The following FAM149A variants were observed in gnomAD, a reference collection of about 807,000 sequenced individuals.
FAM149A encodes protein FAM149A.
In FAM149A, 71 loss-of-function variants were observed where a neutral mutation model predicts 78.2. The observed-to-expected ratio is 0.91, with a 90% CI of 0.75 to 1.11. FAM149A has a LOEUF of 1.11. Among genes scored for constraint, FAM149A ranks in the 50% least tolerant of loss-of-function variants. FAM149A has a pLI of 0.00. For missense variants in FAM149A, 1,036 were observed against 971.0 expected, an observed-to-expected ratio of 1.07 and a Z score of -0.89; for synonymous variants, 446 against 410.5, an observed-to-expected ratio of 1.09 and a Z score of -1.04.
chr4:186,171,800 A>G, intron 13 of FAM149A, 114 bp from the exon 14 acceptor site: 1 of 716,166 alleles, frequency 1.4e-6, no homozygotes, highest in Admixed American at 4.1e-5. Context: ...ACAAAAGTGT[A>G]TTAAAATAAA....
chr4:186,107,188 C>CT (rs1380100040), intron 1 of FAM149A, among the ~76,000 whole-genome samples: 1 of 152,166 alleles, frequency 6.6e-6, no homozygotes, highest in African/African-American at 2.4e-5. Context: ...ACACACTGAC[C>CT]TTAAACTCTA....
intron 1 of FAM149A, among the ~76,000 whole-genome samples, chr4:186,134,673 C>A (rs764381323): frequency 3.3e-5 from 5 of 152,116 alleles, no homozygotes; most frequent in Non-Finnish European, 5.9e-5. Context: ...TGTTCCCACC[C>A]AAAGATGGAA....
intron 1 of FAM149A, among the ~76,000 whole-genome samples, chr4:186,136,964 T>TCTCTCTTTCTCTCTCTCTCTCTC (rs2099323207): frequency 1.0e-5 from 1 of 97,042 alleles, no homozygotes; most frequent in African/African-American, 4.5e-5. Flanking sequence ...CTCTCTCTCT[T>TCTCTCTTTCTCTCTCTCTCTCTC]TCTCTCTCTC....
At position 186,153,627 on chromosome 4, in the gene FAM149A, T is replaced by A; in HGVS notation, c.933-18T>A. 6 of 1,598,820 alleles carry A rather than the reference T, an allele frequency of 3.8e-6. No individual in the cohort carries two copies. Among genetic ancestry groups the A allele is most frequent in the Non-Finnish European group, 4.3e-6 (5 of 1,168,226 alleles). Reference sequence around the variant, plus strand: ...TTGTCTGATCAAAAATGTCAGTAGCTTCTCTTTGACCTCGCAGAGTATTAG... The same window carrying A: ...TTGTCTGATCAAAAATGTCAGTAGCATCTCTTTGACCTCGCAGAGTATTAG... On this transcript the variant is annotated intron_variant, in intron 4 of 13. Coordinates refer to ENST00000389354, the MANE Select transcript of FAM149A (RefSeq NM_001367768.3).
At chr4:186,113,995 G>A (rs2099312428) in intron 1 of FAM149A, among the ~76,000 whole-genome samples, 1 of 148,090 alleles carries the variant, frequency 6.8e-6, no homozygotes, top group South Asian at 2.2e-4. Flanking sequence ...ACAGTGGGGT[G>A]TTAAAGTCTC....
At chr4:186,136,936 ATCTCTCTCTCTC>A (rs142934788) in intron 1 of FAM149A, among the ~76,000 whole-genome samples, 9 of 88,166 alleles carry the variant, frequency 1.0e-4, no homozygotes, top group South Asian at 3.7e-4. Flanking sequence ...ACACTGATTG[ATCTCTCTCTCTC>A]TCTCTCTCTC....
Position 186,127,452 on chromosome 4 carries a change from C to G in FAM149A, c.567-21721C>G, listed in dbSNP as rs565644187. On this transcript the variant is annotated intron_variant, in intron 1 of 13. Transcript: ENST00000389354. ...TCACAGGAATGCTCAGAAGAGATGT[C>G]AAGAGGCTGGCCTCTCCAAAGTCTC... The G allele has an allele frequency of 2.0e-4, 198 of 985,438 alleles. No homozygotes were observed. The African/African-American group carries it at 3.3e-3, about 16-fold the overall frequency. The allele number at this position is 985,438 out of a possible 1,614,324, so 61.0% of individuals were successfully genotyped here. A position where few individuals can be genotyped will look rare whatever the true frequency, so the allele number is the denominator to read the frequency against.
chr4:186,154,539 CA>C lies in FAM149A; in HGVS notation c.1131del (p.Val379LeufsTer4). On this transcript the variant is annotated frameshift_variant, in exon 6 of 14. Coordinates refer to ENST00000389354, the MANE Select transcript of FAM149A (RefSeq NM_001367768.3). LOFTEE classifies it high-confidence loss of function. ...TCTGCCCTGCCAGGCCCTGATGACA[CA>C]GGGGTTGCTGACCTAACGGCACGTT... 1 of 1,614,150 alleles carries C rather than the reference CA, an allele frequency of 6.2e-7. No homozygotes were observed.
chr4:186,130,314 T>TATATATATAA (rs141900902), intron 1 of FAM149A, among the ~76,000 whole-genome samples: 11,645 of 115,934 alleles, frequency 0.1, 845 homozygotes, highest in Middle Eastern at 0.11. Context: ...TATATATATA[T>TATATATATAA]AATCTATATC....
At chr4:186,116,564 A>C in intron 1 of FAM149A, 1 of 983,878 alleles carries the variant, frequency 1.0e-6, no homozygotes, top group Non-Finnish European at 1.2e-6. Context: ...TTTTGCTTTA[A>C]ATTATCCTCT....
At chr4:186,150,361 TGTTG>T (rs751077488) in intron 3 of FAM149A, among the ~76,000 whole-genome samples, 2,432 of 149,040 alleles carry the variant, frequency 0.016, 60 homozygotes, top group African/African-American at 0.046. Flanking sequence ...CTGGGTGTTT[TGTTG>T]TTGTTGTTGT....
intron 1 of FAM149A, among the ~76,000 whole-genome samples, chr4:186,111,564 A>G (rs1386088522): frequency 1.3e-5 from 2 of 151,688 alleles, no homozygotes; most frequent in African/African-American, 4.8e-5. Context: ...TCTTGAATTG[A>G]TTTTTGTATA....
At chr4:186,166,534 C>T (rs1286934884) in intron 11 of FAM149A, among the ~76,000 whole-genome samples, 2 of 151,764 alleles carry the variant, frequency 1.3e-5, no homozygotes, top group East Asian at 3.9e-4. Context: ...GCCTGTAATC[C>T]TCACTACTCG....
At chr4:186,124,363 T>C (rs1434175364) in intron 1 of FAM149A, 2 of 327,348 alleles carry the variant, frequency 6.1e-6, no homozygotes, top group East Asian at 1.7e-4. Flanking sequence ...GCTGCACCCA[T>C]TAACTCGTCA....
rs781276514 is a variant in FAM149A at position 186,163,190 on chromosome 4, T to C, written c.1680-234T>C. Among the ~76,000 whole-genome samples the C allele has an allele frequency of 3.9e-5, 6 of 152,340 alleles. No individual in the cohort carries two copies. The East Asian group carries it at 9.6e-4, about 24-fold the overall frequency. On this transcript the variant is annotated intron_variant, in intron 9 of 13. Transcript: ENST00000389354. ...GAATGTAGTCCTGAAATTCTTAATC[T>C]TGTGGGCTTGACTGTTTGATTACTG...
Position 186,156,295 on chromosome 4 carries a change from A to T in FAM149A, c.1420+105A>T, listed in dbSNP as rs2126490034. 24 of 799,632 alleles carry T rather than the reference A, an allele frequency of 3.0e-5. 1 individual carries two copies. In the South Asian group the frequency reaches 3.8e-4, roughly 13 times the overall value. The allele number at this position is 799,632 out of a possible 1,614,324, so 49.5% of individuals were successfully genotyped here. On this transcript the variant is annotated intron_variant, in intron 7 of 13. Coordinates refer to ENST00000389354, the MANE Select transcript of FAM149A (RefSeq NM_001367768.3). ...CCAGACCTAGAACGTGACCAGTGAGAAGACAAGTGGGTGTTCTGACTTTAC... is the reference window on the plus strand; with the variant it reads ...CCAGACCTAGAACGTGACCAGTGAGTAGACAAGTGGGTGTTCTGACTTTAC...
chr4:186,127,173 A>G (rs2099318672), intron 1 of FAM149A: 3 of 981,436 alleles, frequency 3.1e-6, no homozygotes, highest in Non-Finnish European at 3.6e-6. Context: ...CCTCTCGCCA[A>G]CTCCACCCTG....
chr4:186,158,870 G>A, intron 8 of FAM149A: 1 of 898,808 alleles, frequency 1.1e-6, no homozygotes, highest in Non-Finnish European at 1.3e-6. Flanking sequence ...CAGGCCACCA[G>A]CAAGATGGAA....
At chr4:186,127,170 C>T (rs763039480) in intron 1 of FAM149A, 74 of 981,236 alleles carry the variant, frequency 7.5e-5, no homozygotes, top group Non-Finnish European at 8.0e-5. Context: ...ACACCTCTCG[C>T]CAACTCCACC....
Sources: gnomAD v4.1 joint callset for allele counts (sites outside exome capture counted in the v4.1 genomes callset) on GRCh38, gnomAD v4.1.1 for gene constraint, MANE v1.5 for transcripts, NCBI Gene and HGNC (gene_info 2026-07-23, HGNC 2026-07-21) for gene names.